The following SRC variants were observed in gnomAD, a reference collection of about 807,000 sequenced individuals.
The protein encoded by SRC is SRC proto-oncogene, non-receptor tyrosine kinase.
SRC carries 13 observed loss-of-function variants against 62.9 expected under a neutral mutation model. That is an observed-to-expected ratio of 0.21 (90% CI 0.13 to 0.33). The LOEUF is 0.33. Ranked by LOEUF, SRC falls within the 10% of genes least tolerant of loss-of-function variation. The pLI is 1.00. For synonymous variants in SRC, 302 were observed against 317.5 expected (o/e 0.95, Z 0.52); for missense variants, 457 against 737.3 (o/e 0.62, Z 4.40).
rs776712117 is a variant in SRC, at chr20:37,396,158, G to T, written c.554-4G>T. ...CGGTCACGGCTCCCCTCGGTGCCCC[G>T]CAGGTGCCTACTGCCTCTCAGTGTC... On this transcript the variant is annotated splice_region_variant and splice_polypyrimidine_tract_variant and intron_variant, in intron 7 of 13. Coordinates refer to ENST00000373578, the MANE Select transcript of SRC (RefSeq NM_198291.3). The surrounding 1 kb of genome is among the most constrained non-coding windows in gnomAD (Gnocchi z 6.1). 5 of 1,611,370 alleles carry T rather than the reference G, an allele frequency of 3.1e-6. No individual in the cohort carries two copies. In the Admixed American group the frequency reaches 6.7e-5, roughly 21 times the overall value.
chr20:37,362,213 G>A (rs1192463710), intron 1 of SRC, among the ~76,000 whole-genome samples: 4 of 151,728 alleles, frequency 2.6e-5, no homozygotes, highest in Non-Finnish European at 2.9e-5. Context: ...CACCATGACC[G>A]GTTACATTTT....
Position 37,404,944 on chromosome 20 carries a change from C to T in SRC, c.*1565C>T, listed in dbSNP as rs565040098. 12 of 194,206 alleles carry T rather than the reference C, an allele frequency of 6.2e-5. No individual in the cohort carries two copies. Among genetic ancestry groups the T allele is most frequent in the Non-Finnish European group, 1.0e-4 (11 of 106,108 alleles). The allele number at this position is 194,206 out of a possible 1,614,324, so 12.0% of individuals were successfully genotyped here. On this transcript the variant is annotated 3_prime_UTR_variant, in exon 14 of 14. Coordinates refer to ENST00000373578, the MANE Select transcript of SRC (RefSeq NM_198291.3). ...TCCATATTTAACATGTAAAAATGTC[C>T]CCCCCGCTCCGTCCCCCAAACATGT...
At chr20:37,359,682 G>A (rs1051811722) in intron 1 of SRC, among the ~76,000 whole-genome samples, 1 of 152,106 alleles carries the variant, frequency 6.6e-6, no homozygotes, top group Admixed American at 6.5e-5. Flanking sequence ...AGAGGAGGGC[G>A]GATCAGGGAG....
At chr20:37,380,057 G>T (rs1420636920) in intron 2 of SRC, among the ~76,000 whole-genome samples, 4 of 152,050 alleles carry the variant, frequency 2.6e-5, no homozygotes, top group African/African-American at 9.7e-5. Flanking sequence ...AAAGAGGGAG[G>T]CGGCAGTGTA....
rs748562491 is a variant in SRC, at chr20:37,393,864, T to A, written c.351-31T>A. On this transcript the variant is annotated intron_variant, in intron 5 of 13. Transcript: ENST00000373578. ...GGGCTTGTGGCTGACGGCTCCCTTC[T>A]CCTTTCCTCCCTCCTTCTGTCCCTG... 1.7e-5 allele frequency: 27 copies of A among 1,563,374 alleles called. 1 individual carries two copies. In the South Asian group the frequency reaches 3.0e-4, roughly 17 times the overall value.
At chr20:37,373,040 A>G (rs1253715612) in intron 2 of SRC, among the ~76,000 whole-genome samples, 1 of 151,928 alleles carries the variant, frequency 6.6e-6, no homozygotes, top group Non-Finnish European at 1.5e-5. Flanking sequence ...ATATACACAT[A>G]TACACATATA....
intron 1 of SRC, among the ~76,000 whole-genome samples, chr20:37,354,239 G>A (rs1056405447): frequency 4.2e-4 from 64 of 152,278 alleles, no homozygotes; most frequent in African/African-American, 1.5e-3. Flanking sequence ...ACTCAATCAA[G>A]GTCCTAATTT....
At chr20:37,401,170 T>G (rs2070731706) in intron 10 of SRC, among the ~76,000 whole-genome samples, 1 of 152,034 alleles carries the variant, frequency 6.6e-6, no homozygotes, top group Non-Finnish European at 1.5e-5. Context: ...CTACTTTTTT[T>G]TTTCGTATTT....
intron 2 of SRC, among the ~76,000 whole-genome samples, chr20:37,380,742 G>A (rs6090585): frequency 0.093 from 14,231 of 152,218 alleles, 996 homozygotes; most frequent in African/African-American, 0.2. Context: ...GAGGGCACTG[G>A]GTGGACCCCA....
At chr20:37,361,258 TCAC>T (rs1197132677) in intron 1 of SRC, among the ~76,000 whole-genome samples, 1 of 152,110 alleles carries the variant, frequency 6.6e-6, no homozygotes, top group Admixed American at 6.5e-5. Flanking sequence ...GGTCCTGTGA[TCAC>T]CAGGCTGGAG....
intron 4 of SRC, among the ~76,000 whole-genome samples, chr20:37,385,303 C>T (rs2070437116): frequency 6.6e-6 from 1 of 152,204 alleles, no homozygotes; most frequent in Admixed American, 6.5e-5. Context: ...CGCAGACGCA[C>T]GCCCAAGCGA....
In SRC at chr20:37,401,163, CT is replaced by C. The variant is rs111872140; in HGVS notation, c.1040-429del. Among the ~76,000 whole-genome samples the C allele has an allele frequency of 5.7e-3, 847 of 149,696 alleles. 19 individuals carry two copies. The highest frequency in any genetic ancestry group is 0.02 in the African/African-American group (807 of 40,742). ...AGGTGCACAACATCCTGCCCAGCTA[CT>C]TTTTTTTTTCGTATTTTTTGTACAG... On this transcript the variant is annotated intron_variant, in intron 10 of 13. Coordinates refer to ENST00000373578, the MANE Select transcript of SRC (RefSeq NM_198291.3).
Position 37,403,534 on chromosome 20 carries a change from G to A in SRC, c.*155G>A, listed in dbSNP as rs1172683495. On this transcript the variant is annotated 3_prime_UTR_variant, in exon 14 of 14. Transcript: ENST00000373578. This position sits in a 1 kb window ranked among gnomAD's most constrained non-coding sequence, Gnocchi z 7.1. ...CCCTTCCTCTTTGGTGGCATGGAAGGGGCTTCTGGACCTAGGGTGGCCTGA... is the reference window on the plus strand; with the variant it reads ...CCCTTCCTCTTTGGTGGCATGGAAGAGGCTTCTGGACCTAGGGTGGCCTGA... The A allele has an allele frequency of 5.6e-6, 5 of 892,170 alleles. No homozygotes were observed. In the African/African-American group the frequency reaches 6.8e-5, roughly 12 times the overall value. The allele number at this position is 892,170 out of a possible 1,614,324, so 55.3% of individuals were successfully genotyped here.
chr20:37,386,366 A>G (rs573186333), intron 5 of SRC, 192 bp downstream of exon 5: 98 of 723,668 alleles, frequency 1.4e-4, no homozygotes, highest in Middle Eastern at 1.1e-3. Context: ...TCCCCCAGCC[A>G]TGGGGAACTC....
At chr20:37,364,788 T>C (rs2070036332) in intron 1 of SRC, among the ~76,000 whole-genome samples, 1 of 152,238 alleles carries the variant, frequency 6.6e-6, no homozygotes, top group Non-Finnish European at 1.5e-5. Context: ...GGTGCTCAGC[T>C]AAATCTTGTT....
intron 2 of SRC, among the ~76,000 whole-genome samples, chr20:37,374,669 G>C (rs2070250094): frequency 6.7e-6 from 1 of 150,314 alleles, no homozygotes; most frequent in Non-Finnish European, 1.5e-5. Flanking sequence ...CCACCTCCCA[G>C]GTTTAAGCGA....
chr20:37,394,234 C>A lies in SRC; in HGVS notation c.510C>A (p.Asn170Lys), dbSNP rs759443292. 6.2e-7 allele frequency: 1 copy of A among 1,613,964 alleles called. No homozygotes were observed. The highest frequency in any genetic ancestry group is 8.5e-7 in the Non-Finnish European group (1 of 1,180,046). Residue 170 changes from asparagine to lysine, a missense_variant, in exon 7 of 14, where the codon AAC becomes AAA. This residue lies in a region of SRC where 141 missense variants were observed against 198.4 expected (regional missense o/e 0.71). Coordinates refer to ENST00000373578, the MANE Select transcript of SRC (RefSeq NM_198291.3). ...AGCGGTTACTGCTCAATGCAGAGAA[C>A]CCGAGAGGGACCTTCCTCGTGCGAG... ...ESERLLLNAE[N>K]PRGTFLVRES...
intron 1 of SRC, among the ~76,000 whole-genome samples, chr20:37,359,689 G>A (rs533162570): frequency 1.3e-5 from 2 of 152,268 alleles, no homozygotes; most frequent in African/African-American, 4.8e-5. Context: ...GGCGGATCAG[G>A]GAGGGCACCT....
rs553817941 is a variant in SRC at position 37,405,106 on chromosome 20, C to T, written c.*1727C>T. ...TGAAATTTCAACTTTTCCTTTCATACGTCTTTATTACCCAAGTCTTCTCCC... is the reference window on the plus strand; with the variant it reads ...TGAAATTTCAACTTTTCCTTTCATATGTCTTTATTACCCAAGTCTTCTCCC... On this transcript the variant is annotated 3_prime_UTR_variant, in exon 14 of 14. Transcript: ENST00000373578. 19 of 233,214 alleles carry T rather than the reference C, an allele frequency of 8.1e-5. No individual in the cohort carries two copies. The highest frequency in any genetic ancestry group is 3.1e-4 in the African/African-American group (14 of 45,410). 14.4% of individuals were successfully genotyped at this position (233,214 alleles called of 1,614,324 possible). A position where few individuals can be genotyped will look rare whatever the true frequency, so the allele number is the denominator to read the frequency against.
Sources: gnomAD v4.1 joint callset for allele counts (sites outside exome capture counted in the v4.1 genomes callset) on GRCh38, gnomAD v4.1.1 for gene constraint, gnomAD v4.1.1 regional missense constraint, Gnocchi (gnomAD v3.1) non-coding constraint, MANE v1.5 for transcripts, NCBI Gene and HGNC (gene_info 2026-07-23, HGNC 2026-07-21) for gene names.